Variants in CDH13 observed in about 807,000 individuals in gnomAD.
CDH13 encodes the protein cadherin-13.
CDH13 carries 24 observed loss-of-function variants against 63.8 expected under a neutral mutation model. The ratio of observed to expected loss-of-function variants is 0.38; its 90% CI spans 0.27 to 0.53. The LOEUF (loss-of-function observed/expected upper bound fraction) is 0.53. Ranked by LOEUF, CDH13 falls within the 20% of genes least tolerant of loss-of-function variation. The probability of loss-of-function intolerance (pLI) is 0.85; values close to 1 mark genes in which losing one functional copy is unlikely to be tolerated. For missense variants in CDH13, 1,049 were observed against 903.1 expected (o/e 1.16, Z -2.07); for synonymous variants, 503 against 355.3 (o/e 1.42, Z -4.67).
intron 4 of CDH13, among the ~76,000 whole-genome samples, chr16:83,215,542 A>G (rs1597532065): frequency 6.7e-6 from 1 of 149,980 alleles, no homozygotes; most frequent in East Asian, 1.9e-4. Context: ...ATCCTGCCAG[A>G]TGAACCCTGG....
chr16:82,892,732 C>G (rs1473438227), intron 2 of CDH13, among the ~76,000 whole-genome samples: 1 of 151,914 alleles, frequency 6.6e-6, no homozygotes, highest in Non-Finnish European at 1.5e-5. Flanking sequence ...CAGTGTTTTT[C>G]TTCTTTTTTT....
At chr16:83,245,517 C>T (rs1163006206) in intron 5 of CDH13, among the ~76,000 whole-genome samples, 1 of 152,224 alleles carries the variant, frequency 6.6e-6, no homozygotes, top group African/African-American at 2.4e-5. Flanking sequence ...CCCGAGAACT[C>T]CATCTAGGCT....
intron 5 of CDH13, among the ~76,000 whole-genome samples, chr16:83,302,100 A>G (rs896582671): frequency 1.3e-5 from 2 of 152,198 alleles, no homozygotes; most frequent in African/African-American, 2.4e-5. Context: ...TGTGAGTACT[A>G]CGTGATGTAA....
intron 6 of CDH13, among the ~76,000 whole-genome samples, chr16:83,394,370 A>G (rs2091844974): frequency 6.6e-6 from 1 of 152,192 alleles, no homozygotes; most frequent in Non-Finnish European, 1.5e-5. Context: ...ACAGCCTGAA[A>G]GAGGCGAGAG....
intron 2 of CDH13, among the ~76,000 whole-genome samples, chr16:82,997,103 G>A (rs536390663): frequency 2.0e-5 from 3 of 151,064 alleles, no homozygotes; most frequent in Non-Finnish European, 2.9e-5. Flanking sequence ...TGATGGTGAT[G>A]GTAGTGGTGG....
intron 5 of CDH13, among the ~76,000 whole-genome samples, chr16:83,325,883 A>T (rs960642354): frequency 2.6e-5 from 4 of 152,212 alleles, no homozygotes; most frequent in African/African-American, 9.6e-5. Context: ...AATTAATTGA[A>T]TATGGACTCA....
chr16:83,305,863 C>G (rs1018557599), intron 5 of CDH13, among the ~76,000 whole-genome samples: 8 of 152,176 alleles, frequency 5.3e-5, no homozygotes, highest in African/African-American at 1.9e-4. Flanking sequence ...CAATTATTGA[C>G]CTCCTGGACT....
intron 2 of CDH13, among the ~76,000 whole-genome samples, chr16:83,022,680 T>G (rs1356706376): frequency 6.6e-6 from 1 of 152,170 alleles, no homozygotes; most frequent in Admixed American, 6.6e-5. Context: ...TCAGAGCCTG[T>G]AATTCTGATT....
chr16:83,094,669 AGG>A (rs1429998868), intron 3 of CDH13, among the ~76,000 whole-genome samples: 3 of 152,212 alleles, frequency 2.0e-5, no homozygotes, highest in Non-Finnish European at 4.4e-5. Context: ...TTCCAAATAA[AGG>A]GATCTGAGCA....
Position 83,619,403 on chromosome 16 carries a change from T to A in CDH13, c.1101+16809T>A, listed in dbSNP as rs548307704. Among the ~76,000 whole-genome samples the A allele has an allele frequency of 2.0e-5, 3 of 152,134 alleles. No individual in the cohort carries two copies. In the East Asian group the frequency reaches 5.8e-4, roughly 29 times the overall value. On this transcript the variant is annotated intron_variant, in intron 8 of 13. Coordinates refer to ENST00000567109, the MANE Select transcript of CDH13 (RefSeq NM_001257.5). ...CTCAGGGAGGGCTTCTCAGAGGAGGTGACTGTATTCATTTCCTGGGCTGCC... is the reference window on the plus strand; with the variant it reads ...CTCAGGGAGGGCTTCTCAGAGGAGGAGACTGTATTCATTTCCTGGGCTGCC...
At chr16:83,126,652 A>C (rs1267439216) in intron 4 of CDH13, among the ~76,000 whole-genome samples, 1 of 152,224 alleles carries the variant, frequency 6.6e-6, no homozygotes, top group East Asian at 1.9e-4. Context: ...TCGAGAACAA[A>C]GAACAAGGGA....
chr16:83,036,049 A>G (rs1343024889), intron 3 of CDH13, among the ~76,000 whole-genome samples: 2 of 152,034 alleles, frequency 1.3e-5, no homozygotes, highest in East Asian at 3.9e-4. Context: ...ACTGAGACAC[A>G]ATGGGGCTGT....
In CDH13 at chr16:83,460,982, A is replaced by AAC. The variant is rs367812199; in HGVS notation, c.782-25484_782-25483dup. Among the ~76,000 whole-genome samples the AAC allele has an allele frequency of 9.8e-3, 1,319 of 134,322 alleles. 18 individuals are homozygous for AAC. Among genetic ancestry groups the AAC allele is most frequent in the South Asian group, 0.011 (44 of 3,882 alleles). The allele number at this position is 134,322 out of a possible 152,430, so 88.1% of individuals were successfully genotyped here. A position where few individuals can be genotyped will look rare whatever the true frequency, so the allele number is the denominator to read the frequency against. On this transcript the variant is annotated intron_variant, in intron 6 of 13. Transcript: ENST00000567109. ...GTGACAGAATTAGACCTTGTCTCAAAACACACACACACGCACACACACACA... is the reference window on the plus strand; with the variant it reads ...GTGACAGAATTAGACCTTGTCTCAAAACACACACACACACGCACACACACACA...
intron 1 of CDH13, among the ~76,000 whole-genome samples, chr16:82,810,647 C>A (rs1450630000): frequency 6.6e-5 from 10 of 152,082 alleles, no homozygotes; most frequent in South Asian, 2.1e-4. Context: ...TTCTCAGCCC[C>A]CATGGCTGGT....
At chr16:82,926,376 C>G (rs1435570800) in intron 2 of CDH13, among the ~76,000 whole-genome samples, 1 of 152,198 alleles carries the variant, frequency 6.6e-6, no homozygotes, top group Non-Finnish European at 1.5e-5. Flanking sequence ...TTTTCGCACC[C>G]CTGTGCCTGT....
intron 11 of CDH13, among the ~76,000 whole-genome samples, chr16:83,754,708 A>G (rs1913363088): frequency 6.6e-6 from 1 of 152,154 alleles, no homozygotes; most frequent in Non-Finnish European, 1.5e-5. Context: ...CCATCCCTGT[A>G]AGATGGGACT....
chr16:83,159,967 T>C (rs1236672276), intron 4 of CDH13, among the ~76,000 whole-genome samples: 2 of 151,896 alleles, frequency 1.3e-5, no homozygotes, highest in African/African-American at 4.8e-5. Context: ...TCTCAGCTAC[T>C]CAGGAGGCTG....
At chr16:82,860,391 G>GGT (rs1555531225) in intron 2 of CDH13, among the ~76,000 whole-genome samples, 4 of 85,896 alleles carry the variant, frequency 4.7e-5, no homozygotes, top group Admixed American at 3.7e-4. Context: ...GTGTGTGTGG[G>GGT]GGGGGGGGCG....
chr16:82,958,935 G>T (rs571886945), intron 2 of CDH13, among the ~76,000 whole-genome samples: 4 of 152,350 alleles, frequency 2.6e-5, no homozygotes, highest in South Asian at 4.1e-4. Context: ...TACCCCCAAG[G>T]TTTTCCTGGT....
Sources: gnomAD v4.1 joint callset for allele counts (sites outside exome capture counted in the v4.1 genomes callset) on GRCh38, gnomAD v4.1.1 for gene constraint, MANE v1.5 for transcripts, NCBI Gene and HGNC (gene_info 2026-07-23, HGNC 2026-07-21) for gene names.